The following STRN variants were observed in gnomAD, a reference collection of about 807,000 sequenced individuals.
STRN encodes striatin.
A neutral mutation model predicts 96.3 loss-of-function variants in STRN; 53 were observed. The observed-to-expected ratio is 0.55, with a 90% CI of 0.44 to 0.69. The LOEUF (loss-of-function observed/expected upper bound fraction) is 0.69. Among genes scored for constraint, STRN ranks in the 30% least tolerant of loss-of-function variants. The pLI is 0.00. For synonymous variants in STRN, 428 were observed against 355.9 expected, an observed-to-expected ratio of 1.20 and a Z score of -2.28; for missense variants, 987 against 963.9, an observed-to-expected ratio of 1.02 and a Z score of -0.32.
At chr2:36,896,723 C>G (rs920020839) in intron 6 of STRN, among the ~76,000 whole-genome samples, 1 of 152,084 alleles carries the variant, frequency 6.6e-6, no homozygotes, top group Non-Finnish European at 1.5e-5. Flanking sequence ...CATTCTTTTT[C>G]CTCCTAAAGT....
chr2:36,847,014 G>C lies in STRN; in HGVS notation c.*2442C>G, dbSNP rs1369791552. ...TTTTCATTGAATGTTCAACAGGCTA[G>C]GGGAAAAGTCAGACACATGTATATG... On this transcript the variant is annotated 3_prime_UTR_variant, in exon 18 of 18. Transcript: ENST00000263918. The C allele has an allele frequency of 6.6e-6, 1 of 152,144 alleles. No homozygotes were observed. Among genetic ancestry groups the C allele is most frequent in the African/African-American group, 2.4e-5 (1 of 41,460 alleles). 9.4% of individuals were successfully genotyped at this position (152,144 alleles called of 1,614,324 possible).
At chr2:36,859,929 T>C (rs983719040) in intron 13 of STRN, among the ~76,000 whole-genome samples, 1 of 152,118 alleles carries the variant, frequency 6.6e-6, no homozygotes, top group African/African-American at 2.4e-5. Flanking sequence ...TGTAGACAGA[T>C]GAAGCACAGA....
At chr2:36,868,678 T>G (rs770015276) in intron 11 of STRN, among the ~76,000 whole-genome samples, 13 of 152,212 alleles carry the variant, frequency 8.5e-5, no homozygotes, top group Non-Finnish European at 1.6e-4. Context: ...TGAAGCAGAC[T>G]GATAAATCAA....
rs1234324727 is a variant in STRN at position 36,849,397 on chromosome 2, ATC to A, written c.*57_*58del. 6 of 1,577,610 alleles carry A rather than the reference ATC, an allele frequency of 3.8e-6. No homozygotes were observed. Among genetic ancestry groups the A allele is most frequent in the Non-Finnish European group, 5.2e-6 (6 of 1,155,136 alleles). ...GATGATTCTTGCCCTCGTCTTCTGT[ATC>A]TCTTGTGTGCAGTTGATTACTTATA... is the stretch of plus-strand genomic sequence containing the variant. On this transcript the variant is annotated 3_prime_UTR_variant, in exon 18 of 18. Coordinates refer to ENST00000263918, the MANE Select transcript of STRN (RefSeq NM_003162.4).
At position 36,966,511 on chromosome 2, in the gene STRN, G is replaced by A; in HGVS notation, c.-48C>T. 1 of 1,316,186 alleles carries A rather than the reference G, an allele frequency of 7.6e-7. No individual in the cohort carries two copies. The highest frequency in any genetic ancestry group is 9.9e-7 in the Non-Finnish European group (1 of 1,014,594). 81.5% of individuals were successfully genotyped at this position (1,316,186 alleles called of 1,614,324 possible). A position where few individuals can be genotyped will look rare whatever the true frequency, so the allele number is the denominator to read the frequency against. On this transcript the variant is annotated 5_prime_UTR_variant, in exon 1 of 18. Transcript: ENST00000263918. ...GCTGCCCCGGCGCCCAGCAGCGGAG[G>A]CAACAGCGGCGGCAAGCAGCGCCTC... is the stretch of plus-strand genomic sequence containing the variant.
chr2:36,924,545 T>C lies in STRN; in HGVS notation c.338+560A>G, dbSNP rs190410006. Among the ~76,000 whole-genome samples, 402 of 152,180 alleles carry C rather than the reference T, an allele frequency of 2.6e-3. 2 individuals are homozygous for C. In the Middle Eastern group the frequency reaches 0.037, roughly 14 times the overall value. On this transcript the variant is annotated intron_variant, in intron 2 of 17. Transcript: ENST00000263918. ...GGGTATTAACAGTTCGGGGAGCATA[T>C]TTGCTTCTTCAAAACAGGCAGAGTA...
chr2:36,873,345 G>C (rs1668815567), intron 10 of STRN, among the ~76,000 whole-genome samples: 1 of 152,100 alleles, frequency 6.6e-6, no homozygotes. Flanking sequence ...CTGAAAATGA[G>C]CAGAAACAAC....
intron 1 of STRN, among the ~76,000 whole-genome samples, chr2:36,932,091 A>G (rs1338647152): frequency 6.6e-6 from 1 of 152,144 alleles, no homozygotes; most frequent in Non-Finnish European, 1.5e-5. Flanking sequence ...AAGTGCTGGA[A>G]ATACATGCAT....
chr2:36,899,808 C>T, intron 5 of STRN, 150 bp from the exon 6 acceptor site: 1 of 777,082 alleles, frequency 1.3e-6, no homozygotes, highest in Non-Finnish European at 2.0e-6. Flanking sequence ...ATTACACTCT[C>T]ACAAATTTAA....
chr2:36,927,839 G>A lies in STRN; in HGVS notation c.235-2631C>T, dbSNP rs551118041. Reference sequence around the variant, plus strand: ...GGTAATATCTGTCAAGTTTGTAAATGCATATACCCTTTAACTCAGCAATTT... The same window carrying A: ...GGTAATATCTGTCAAGTTTGTAAATACATATACCCTTTAACTCAGCAATTT... On this transcript the variant is annotated intron_variant, in intron 1 of 17. Coordinates refer to ENST00000263918, the MANE Select transcript of STRN (RefSeq NM_003162.4). Among the ~76,000 whole-genome samples the A allele has an allele frequency of 9.1e-4, 139 of 152,256 alleles. 1 individual carries two copies. Among genetic ancestry groups the A allele is most frequent in the Non-Finnish European group, 1.5e-3 (100 of 68,004 alleles).
At chr2:36,957,687 C>T (rs1034220604) in intron 1 of STRN, among the ~76,000 whole-genome samples, 12 of 149,516 alleles carry the variant, frequency 8.0e-5, no homozygotes, top group African/African-American at 2.9e-4. Context: ...AAAAACCTTT[C>T]TGAAGAAGAT....
At chr2:36,871,094 T>C (rs918012564) in intron 10 of STRN, among the ~76,000 whole-genome samples, 2 of 152,236 alleles carry the variant, frequency 1.3e-5, no homozygotes, top group African/African-American at 2.4e-5. Context: ...TGTGTCAAAA[T>C]GTTTTTAAAA....
intron 1 of STRN, among the ~76,000 whole-genome samples, chr2:36,951,231 G>T (rs972684264): frequency 6.6e-6 from 1 of 152,162 alleles, no homozygotes; most frequent in African/African-American, 2.4e-5. Flanking sequence ...CACACAAGGC[G>T]GGGTGGAAGG....
chr2:36,886,661 G>T, intron 8 of STRN, 55 bp downstream of exon 8: 1 of 1,333,054 alleles, frequency 7.5e-7, no homozygotes, highest in South Asian at 1.4e-5. Flanking sequence ...AAAAAAAACT[G>T]GGGGATGTAA....
At chr2:36,926,493 T>G (rs1670414705) in intron 1 of STRN, among the ~76,000 whole-genome samples, 1 of 152,216 alleles carries the variant, frequency 6.6e-6, no homozygotes, top group African/African-American at 2.4e-5. Flanking sequence ...AGGATGACCT[T>G]GCCACATCCC....
Position 36,845,915 on chromosome 2 carries a change from GCACACACACA to G in STRN, c.*3531_*3540del, listed in dbSNP as rs58278911. Reference sequence around the variant, plus strand: ...CACACACACACACACACGCATGCATGCACACACACACACACACACACACACACACACACAC... The same window carrying G: ...CACACACACACACACACGCATGCATGCACACACACACACACACACACACAC... On this transcript the variant is annotated 3_prime_UTR_variant, in exon 18 of 18. Coordinates refer to ENST00000263918, the MANE Select transcript of STRN (RefSeq NM_003162.4). 0.015 allele frequency: 1,278 copies of G among 82,880 alleles called. 22 individuals are homozygous for G. Among genetic ancestry groups the G allele is most frequent in the African/African-American group, 0.051 (1,060 of 20,882 alleles). The allele number at this position is 82,880 out of a possible 1,614,324, so 5.1% of individuals were successfully genotyped here.
chr2:36,902,466 T>C (rs1669711675), intron 5 of STRN, 118 bp downstream of exon 5: 1 of 570,660 alleles, frequency 1.8e-6, no homozygotes, highest in South Asian at 4.7e-5. Context: ...TTAGAATTTT[T>C]ATTAAGTTAT....
At chr2:36,861,388 C>T in intron 12 of STRN, 135 bp from the exon 13 acceptor site, 1 of 1,165,266 alleles carries the variant, frequency 8.6e-7, no homozygotes, top group Non-Finnish European at 1.2e-6. Flanking sequence ...AACACAGGTA[C>T]TATCAAAGCA....
Position 36,846,387 on chromosome 2 carries a change from T to TTTTATATA in STRN, c.*3068_*3069insTATATAAA, listed in dbSNP as rs1314756009. 3.3e-3 allele frequency: 262 copies of TTTTATATA among 78,326 alleles called. 3 individuals are homozygous for TTTTATATA. Among genetic ancestry groups the TTTTATATA allele is most frequent in the Non-Finnish European group, 4.1e-3 (191 of 46,190 alleles). The allele number at this position is 78,326 out of a possible 1,614,324, so 4.9% of individuals were successfully genotyped here. Reference sequence around the variant, plus strand: ...CAAAACAGTAAAATGCACCTATGGTTTATATATATATATATATATATATAT... The same window carrying TTTTATATA: ...CAAAACAGTAAAATGCACCTATGGTTTTTATATATATATATATATATATATATATATAT... On this transcript the variant is annotated 3_prime_UTR_variant, in exon 18 of 18. Transcript: ENST00000263918.
Sources: allele counts gnomAD v4.1 joint callset (sites outside exome capture counted in the v4.1 genomes callset), GRCh38; gene constraint gnomAD v4.1.1; transcripts MANE v1.5; gene names NCBI Gene and HGNC (gene_info 2026-07-23, HGNC 2026-07-21).